NUMB: variants seen among roughly 807,000 people sequenced by gnomAD.
NUMB encodes the protein NUMB endocytic adaptor protein.
In NUMB, 29 loss-of-function variants were observed where a neutral mutation model predicts 59.7. The observed-to-expected ratio is 0.49, with a 90% CI of 0.36 to 0.66. The LOEUF (loss-of-function observed/expected upper bound fraction) is 0.66, where lower values mean the gene tolerates loss of function less well. NUMB is among the 30% of genes least tolerant of loss of function. The pLI is 0.00. For missense variants in NUMB, 723 were observed against 822.0 expected (o/e 0.88, Z 1.47); for synonymous variants, 288 against 288.2 (o/e 1.00, Z 0.01).
At chr14:73,365,670 T>C (rs920231030) in intron 3 of NUMB, among the ~76,000 whole-genome samples, 1 of 152,110 alleles carries the variant, frequency 6.6e-6, no homozygotes, top group Non-Finnish European at 1.5e-5. Context: ...ACAAGGCAGG[T>C]CCCATTCTTT....
intron 4 of NUMB, among the ~76,000 whole-genome samples, chr14:73,324,338 A>G (rs957413437): frequency 6.6e-6 from 1 of 152,190 alleles, no homozygotes; most frequent in Non-Finnish European, 1.5e-5. Context: ...AGGATGCCAT[A>G]AAAATGTCAA....
At chr14:73,307,611 A>G (rs1481004372) in intron 6 of NUMB, among the ~76,000 whole-genome samples, 3 of 152,104 alleles carry the variant, frequency 2.0e-5, no homozygotes, top group Admixed American at 6.6e-5. Flanking sequence ...AAAAGAGGAA[A>G]AAGAGGGGAT....
At chr14:73,379,673 T>A (rs750707581) in intron 2 of NUMB, among the ~76,000 whole-genome samples, 42 of 152,244 alleles carry the variant, frequency 2.8e-4, no homozygotes, top group Non-Finnish European at 5.0e-4. Context: ...CAAGCCCAAG[T>A]ACATAGGTGG....
chr14:73,371,860 T>A (rs1218789684), intron 2 of NUMB, among the ~76,000 whole-genome samples: 1 of 152,132 alleles, frequency 6.6e-6, no homozygotes, highest in Non-Finnish European at 1.5e-5. Context: ...CCACCAGAAC[T>A]GTGAGAAAAT....
intron 2 of NUMB, among the ~76,000 whole-genome samples, chr14:73,386,864 C>CTTTTTTTTTTTTTTTTTTT (rs1566773800): frequency 1.4e-5 from 1 of 73,808 alleles, no homozygotes; most frequent in African/African-American, 5.5e-5. Context: ...TATCAGGTGT[C>CTTTTTTTTTTTTTTTTTTT]TTATTTTTTT....
intron 2 of NUMB, among the ~76,000 whole-genome samples, chr14:73,393,996 C>T (rs1895988699): frequency 6.6e-6 from 1 of 152,162 alleles, no homozygotes; most frequent in African/African-American, 2.4e-5. Context: ...GACGGAGTTT[C>T]ACTCTTGTGC....
intron 4 of NUMB, among the ~76,000 whole-genome samples, chr14:73,353,069 C>CTTTTTT (rs1566756859): frequency 1.7e-4 from 3 of 18,082 alleles, no homozygotes; most frequent in Non-Finnish European, 3.1e-4. Flanking sequence ...CACAGTTTTT[C>CTTTTTT]TTGTTTTTTT....
intron 2 of NUMB, among the ~76,000 whole-genome samples, chr14:73,381,061 T>C (rs1895213912): frequency 2.0e-5 from 3 of 152,174 alleles, no homozygotes; most frequent in Admixed American, 2.0e-4. Context: ...TCACTTTTAT[T>C]GTTAGTATTT....
chr14:73,451,735 G>A (rs1883993086), intron 1 of NUMB, among the ~76,000 whole-genome samples: 1 of 152,152 alleles, frequency 6.6e-6, no homozygotes, highest in Non-Finnish European at 1.5e-5. Context: ...AGGTAACCAA[G>A]GCCAATCTTA....
At chr14:73,380,924 T>C (rs1278060980) in intron 2 of NUMB, among the ~76,000 whole-genome samples, 1 of 152,170 alleles carries the variant, frequency 6.6e-6, no homozygotes, top group Non-Finnish European at 1.5e-5. Context: ...GGTTTCACCA[T>C]GTTGACCAGG....
At chr14:73,372,625 A>T (rs1035390706) in intron 2 of NUMB, among the ~76,000 whole-genome samples, 1 of 151,582 alleles carries the variant, frequency 6.6e-6, no homozygotes, top group African/African-American at 2.4e-5. Context: ...TCCAACAATG[A>T]AAAAACTTGA....
chr14:73,327,524 G>A (rs566871617), intron 4 of NUMB, among the ~76,000 whole-genome samples: 1 of 152,200 alleles, frequency 6.6e-6, no homozygotes, highest in African/African-American at 2.4e-5. Context: ...CAAAGTGCTG[G>A]GATTACAGGT....
At chr14:73,379,737 C>T (rs1895139397) in intron 2 of NUMB, among the ~76,000 whole-genome samples, 2 of 152,042 alleles carry the variant, frequency 1.3e-5, no homozygotes. Flanking sequence ...GGCAAGTGTA[C>T]AAGTCCTTTA....
At chr14:73,443,196 C>T (rs748731421) in intron 1 of NUMB, among the ~76,000 whole-genome samples, 14 of 152,140 alleles carry the variant, frequency 9.2e-5, no homozygotes, top group Non-Finnish European at 1.8e-4. Context: ...GCAGTTTCAC[C>T]GTACATCAAT....
At chr14:73,378,197 C>A (rs974014180) in intron 2 of NUMB, among the ~76,000 whole-genome samples, 6 of 152,048 alleles carry the variant, frequency 3.9e-5, no homozygotes, top group African/African-American at 1.5e-4. Flanking sequence ...TTAAAACAAC[C>A]AGATACCATT....
intron 2 of NUMB, among the ~76,000 whole-genome samples, chr14:73,386,419 G>A (rs1895524996): frequency 6.6e-6 from 1 of 152,062 alleles, no homozygotes; most frequent in African/African-American, 2.4e-5. Flanking sequence ...TACACCACCA[G>A]AGAAAGAAGT....
intron 1 of NUMB, among the ~76,000 whole-genome samples, chr14:73,425,231 C>A (rs573911707): frequency 6.6e-6 from 1 of 152,094 alleles, no homozygotes; most frequent in Admixed American, 6.5e-5. Context: ...GTATCAATTA[C>A]ATGAATATTT....
intron 4 of NUMB, among the ~76,000 whole-genome samples, chr14:73,346,372 C>T (rs1002916307): frequency 2.6e-5 from 4 of 151,294 alleles, no homozygotes; most frequent in South Asian, 2.1e-4. Context: ...CCCAACTACT[C>T]GGGAGGCTGA....
chr14:73,440,753 G>C (rs1023732670), intron 1 of NUMB, among the ~76,000 whole-genome samples: 27 of 150,586 alleles, frequency 1.8e-4, no homozygotes, highest in Admixed American at 7.3e-4. Flanking sequence ...GTATGAAACC[G>C]GGAGGTGGAG....
Sources: allele counts gnomAD v4.1 joint callset (sites outside exome capture counted in the v4.1 genomes callset), GRCh38; gene constraint gnomAD v4.1.1; transcripts MANE v1.5; gene names NCBI Gene and HGNC (gene_info 2026-07-23, HGNC 2026-07-21).